HHIPL1: variants seen among roughly 807,000 people sequenced by gnomAD.
The protein encoded by HHIPL1 is HHIP-like protein 1.
A neutral mutation model predicts 61.8 loss-of-function variants in HHIPL1; 43 were observed. The ratio of observed to expected loss-of-function variants is 0.70; its 90% CI spans 0.55 to 0.90. The LOEUF is 0.90. Among genes scored for constraint, HHIPL1 ranks in the 40% least tolerant of loss-of-function variants. The pLI, the probability that HHIPL1 is intolerant of heterozygous loss-of-function variation, is 0.00. For synonymous variants in HHIPL1, 482 were observed against 515.8 expected (o/e 0.93, Z 0.89); for missense variants, 1,056 against 1,157.7 (o/e 0.91, Z 1.28).
chr14:99,606,800 C>T, the HHIPL1 span, among the ~76,000 whole-genome samples: 1 of 152,240 alleles, frequency 6.6e-6, no homozygotes, highest in South Asian at 2.1e-4. Context: ...GGTCTCTCTG[C>T]TCCCCACACC....
In HHIPL1 at chr14:99,645,290, C is replaced by A; in HGVS notation, c.83C>A (p.Pro28Gln). Reference sequence around the variant, plus strand: ...CATCCGCAGTGCCTGGACTTCAGGCCGCCCTTCCGGCCGACGCAGCCGCTG... The same window carrying A: ...CATCCGCAGTGCCTGGACTTCAGGCAGCCCTTCCGGCCGACGCAGCCGCTG... ...AAHPQCLDFR[P>Q]PFRPTQPLRL... The change falls in exon 1 of 9, where the codon CCG becomes CAG. Residue 28 changes from proline (P) to glutamine (Q), a missense_variant. Pro to Gln is a moderately conservative substitution (Grantham distance 76). Coordinates refer to ENST00000330710, the MANE Select transcript of HHIPL1 (RefSeq NM_001127258.3). The A allele has an allele frequency of 2.1e-6, 3 of 1,448,310 alleles. No individual in the cohort carries two copies. Among genetic ancestry groups the A allele is most frequent in the Non-Finnish European group, 2.7e-6 (3 of 1,104,966 alleles). The allele number at this position is 1,448,310 out of a possible 1,614,324, so 89.7% of individuals were successfully genotyped here. A position where few individuals can be genotyped will look rare whatever the true frequency, so the allele number is the denominator to read the frequency against.
At chr14:99,635,254 C>A in the HHIPL1 span, among the ~76,000 whole-genome samples, 1 of 152,170 alleles carries the variant, frequency 6.6e-6, no homozygotes, top group Non-Finnish European at 1.5e-5. Context: ...AGAGCCAGGG[C>A]CCTCCGCCTG....
Position 99,660,271 on chromosome 14 carries a change from A to C in HHIPL1, c.1376-9A>C. The C allele has an allele frequency of 6.2e-7, 1 of 1,611,694 alleles. No homozygotes were observed. Among genetic ancestry groups the C allele is most frequent in the African/African-American group, 1.3e-5 (1 of 74,288 alleles). On this transcript the variant is annotated splice_polypyrimidine_tract_variant and intron_variant, in intron 4 of 8. Coordinates refer to ENST00000330710, the MANE Select transcript of HHIPL1 (RefSeq NM_001127258.3). This position sits in a 1 kb window ranked among gnomAD's most constrained non-coding sequence, Gnocchi z 4.9. ...GCTCACCGAAGCTTCTCTCCCTCCC[A>C]CCCCGCAGATGACTTGCTGCCGATT...
chr14:99,619,063 A>G, the HHIPL1 span, among the ~76,000 whole-genome samples: 2 of 152,104 alleles, frequency 1.3e-5, no homozygotes, highest in African/African-American at 4.8e-5. Flanking sequence ...AATTGGTGGC[A>G]GTGCCTCACC....
chr14:99,617,458 A>G, the HHIPL1 span, among the ~76,000 whole-genome samples: 3 of 152,186 alleles, frequency 2.0e-5, no homozygotes, highest in African/African-American at 7.2e-5. Flanking sequence ...ACATCTTATG[A>G]GAAATGTGGA....
chr14:99,650,925 G>A (rs769793558), intron 1 of HHIPL1, among the ~76,000 whole-genome samples: 111 of 152,330 alleles, frequency 7.3e-4, no homozygotes, highest in Middle Eastern at 3.4e-3. Flanking sequence ...ATGGCAGGGA[G>A]TATGTATTAG....
intron 7 of HHIPL1, among the ~76,000 whole-genome samples, chr14:99,670,053 A>G (rs1001479116): frequency 2.6e-5 from 4 of 152,144 alleles, no homozygotes; most frequent in African/African-American, 7.2e-5. Context: ...GTACATGTCA[A>G]AATTAGTCAA....
chr14:99,642,285 CCTT>C (rs1254882737), upstream of HHIPL1, among the ~76,000 whole-genome samples: 1 of 152,036 alleles, frequency 6.6e-6, no homozygotes, highest in Non-Finnish European at 1.5e-5. Context: ...ATTTTTTTCC[CCTT>C]CTTCTCTTTC....
At position 99,660,747 on chromosome 14, in the gene HHIPL1, A is replaced by C. The variant is rs1029836121; in HGVS notation, c.1502+341A>C. Among the ~76,000 whole-genome samples the C allele has an allele frequency of 6.6e-6, 1 of 152,172 alleles. No homozygotes were observed. The highest frequency in any genetic ancestry group is 1.5e-5 in the Non-Finnish European group (1 of 68,016). On this transcript the variant is annotated intron_variant, in intron 5 of 8. Transcript: ENST00000330710. The surrounding 1 kb of genome is among the most constrained non-coding windows in gnomAD (Gnocchi z 4.9). ...GCAGTTCTGATGGGCAGGAGGGCAG[A>C]ATATGAACAATTTCCTGGACACTCA...
rs760568900 is a variant in HHIPL1 at position 99,652,471 on chromosome 14, A to G, written c.503A>G (p.Asn168Ser). ...FPYLLVNKNL[N>S]SNLGHVVADA... ...TACCTGCTGGTCAACAAGAACCTCA[A>G]CTCAAACCTGGGCCACGTGGTAGCC... The change falls in exon 2 of 9, where the codon AAC becomes AGC. Residue 168 changes from asparagine (N) to serine (S), a missense_variant. Transcript: ENST00000330710. 4 of 1,613,948 alleles carry G rather than the reference A, an allele frequency of 2.5e-6. No individual in the cohort carries two copies. The highest frequency in any genetic ancestry group is 3.4e-6 in the Non-Finnish European group (4 of 1,180,000).
chr14:99,676,120 A>AT lies in HHIPL1; in HGVS notation c.*495dup, dbSNP rs2056389660. On this transcript the variant is annotated 3_prime_UTR_variant, in exon 9 of 9. Coordinates refer to ENST00000330710, the MANE Select transcript of HHIPL1 (RefSeq NM_001127258.3). ...CCGGACAGCATGGCCTGGTGCCCGC[A>AT]TCCCCCCCACCCCCTGGCAGTCAGA... 6.4e-6 allele frequency: 1 copy of AT among 155,560 alleles called. No individual in the cohort carries two copies. Among genetic ancestry groups the AT allele is most frequent in the African/African-American group, 2.4e-5 (1 of 41,478 alleles). The allele number at this position is 155,560 out of a possible 1,614,324, so 9.6% of individuals were successfully genotyped here. A position where few individuals can be genotyped will look rare whatever the true frequency, so the allele number is the denominator to read the frequency against.
chr14:99,638,583 C>T, the HHIPL1 span, among the ~76,000 whole-genome samples: 1 of 152,172 alleles, frequency 6.6e-6, no homozygotes, highest in Admixed American at 6.5e-5. Context: ...ACCCTCAGGC[C>T]CCAGAGGGGC....
At chr14:99,652,902 G>A (rs1386873896) in intron 2 of HHIPL1, 32 bp downstream of exon 2, 1 of 1,594,620 alleles carries the variant, frequency 6.3e-7, no homozygotes. Context: ...GGCCTGGGTG[G>A]GGGCAGGCAC....
chr14:99,611,193 A>G, the HHIPL1 span, among the ~76,000 whole-genome samples: 1 of 152,000 alleles, frequency 6.6e-6, no homozygotes, highest in East Asian at 1.9e-4. Flanking sequence ...GCAATGGTTC[A>G]GTCATGGCTG....
At chr14:99,612,431 CAGA>C in the HHIPL1 span, among the ~76,000 whole-genome samples, 9 of 152,114 alleles carry the variant, frequency 5.9e-5, no homozygotes, top group South Asian at 4.1e-4. Flanking sequence ...GAATAAAACC[CAGA>C]AGAAGAAGAG....
upstream of HHIPL1, among the ~76,000 whole-genome samples, chr14:99,641,985 G>T (rs12886102): frequency 0.2 from 30,458 of 151,628 alleles, 3,376 homozygotes; most frequent in Non-Finnish European, 0.26. Context: ...TGTGGCCCAG[G>T]CTACAGTGCA....
At chr14:99,614,790 G>T in the HHIPL1 span, among the ~76,000 whole-genome samples, 74 of 152,176 alleles carry the variant, frequency 4.9e-4, no homozygotes, top group African/African-American at 1.7e-3. Flanking sequence ...TGGAGGGGAC[G>T]AGGGTTTCCG....
the HHIPL1 span, among the ~76,000 whole-genome samples, chr14:99,606,454 T>C: frequency 2.0e-5 from 3 of 152,152 alleles, no homozygotes; most frequent in Non-Finnish European, 4.4e-5. Context: ...AGCGTAAACG[T>C]TGGATACACC....
chr14:99,651,119 C>G (rs941563369), intron 1 of HHIPL1, among the ~76,000 whole-genome samples: 1 of 152,090 alleles, frequency 6.6e-6, no homozygotes, highest in Non-Finnish European at 1.5e-5. Flanking sequence ...CGTGGTGGCT[C>G]TCGCCTGTAG....
Sources: gnomAD v4.1 joint callset for allele counts (sites outside exome capture counted in the v4.1 genomes callset) on GRCh38, gnomAD v4.1.1 for gene constraint, Gnocchi (gnomAD v3.1) non-coding constraint, MANE v1.5 for transcripts, NCBI Gene and HGNC (gene_info 2026-07-23, HGNC 2026-07-21) for gene names.